CELF4: variants seen among roughly 807,000 people sequenced by gnomAD.
The protein encoded by CELF4 is CUG-BP- and ETR-3-like factor 4.
In CELF4, 18 loss-of-function variants were observed where a neutral mutation model predicts 59.9. The observed-to-expected ratio is 0.30, with a 90% CI of 0.21 to 0.45. The LOEUF (loss-of-function observed/expected upper bound fraction) is 0.45. CELF4 is among the 20% of genes least tolerant of loss of function. The pLI, the probability that CELF4 is intolerant of heterozygous loss-of-function variation, is 1.00. For missense variants in CELF4, 456 were observed against 689.0 expected, an observed-to-expected ratio of 0.66 and a Z score of 3.79; for synonymous variants, 261 against 267.1, an observed-to-expected ratio of 0.98 and a Z score of 0.22.
At chr18:37,428,351 T>C (rs968084966) in intron 2 of CELF4, among the ~76,000 whole-genome samples, 1 of 151,644 alleles carries the variant, frequency 6.6e-6, no homozygotes, top group South Asian at 2.1e-4. Context: ...GGCTGACATT[T>C]GGGTCATGAT....
rs145301349 is a variant in CELF4 at position 37,475,763 on chromosome 18, C to T, written c.369+9762G>A. ...CACAGCAGTGTGAGAAAAGCCTCCTCCATCTCCAGACACATTTTCCCTGTT... is the reference window on the plus strand; with the variant it reads ...CACAGCAGTGTGAGAAAAGCCTCCTTCATCTCCAGACACATTTTCCCTGTT... On this transcript the variant is annotated intron_variant, in intron 2 of 12. Coordinates refer to ENST00000420428, the MANE Select transcript of CELF4 (RefSeq NM_020180.4). Among the ~76,000 whole-genome samples the T allele has an allele frequency of 4.0e-3, 605 of 152,294 alleles. 3 individuals are homozygous for T. Among genetic ancestry groups the T allele is most frequent in the South Asian group, 0.011 (53 of 4,824 alleles).
chr18:37,550,547 C>T (rs907535736), intron 1 of CELF4, among the ~76,000 whole-genome samples: 4 of 152,214 alleles, frequency 2.6e-5, no homozygotes, highest in Non-Finnish European at 4.4e-5. Flanking sequence ...CCAGATATGA[C>T]GTTGGTTTAA....
At chr18:37,296,896 G>T (rs1031799316) in intron 3 of CELF4, among the ~76,000 whole-genome samples, 1 of 152,144 alleles carries the variant, frequency 6.6e-6, no homozygotes, top group Non-Finnish European at 1.5e-5. Flanking sequence ...ACCCCCAAGG[G>T]CCAAACCAGG....
chr18:37,509,899 C>G (rs779052902), intron 1 of CELF4, among the ~76,000 whole-genome samples: 4 of 152,126 alleles, frequency 2.6e-5, no homozygotes, highest in African/African-American at 4.8e-5. Flanking sequence ...GTGAAAGAAG[C>G]CAGACACAAG....
At chr18:37,444,937 C>T (rs773022535) in intron 2 of CELF4, among the ~76,000 whole-genome samples, 64 of 152,230 alleles carry the variant, frequency 4.2e-4, no homozygotes, top group Non-Finnish European at 8.5e-4. Flanking sequence ...GTGTGCGTGA[C>T]GCGGGCTCCT....
intron 7 of CELF4, among the ~76,000 whole-genome samples, chr18:37,271,437 G>T (rs564793534): frequency 6.6e-6 from 1 of 151,942 alleles, no homozygotes; most frequent in Non-Finnish European, 1.5e-5. Context: ...GTATTTTTTA[G>T]TAGGGTTGGG....
chr18:37,361,252 A>G (rs2098698427), intron 2 of CELF4, among the ~76,000 whole-genome samples: 1 of 152,178 alleles, frequency 6.6e-6, no homozygotes, highest in South Asian at 2.1e-4. Context: ...GAGTTAAACC[A>G]AGAGCTAAAC....
chr18:37,401,005 G>A lies in CELF4; in HGVS notation c.370-79124C>T, dbSNP rs377563893. ...TGATGCAGTGTTGGGCCTGGCAGGGGCCCTGGGGGCTGGCTCTGAGAATAG... is the reference window on the plus strand; with the variant it reads ...TGATGCAGTGTTGGGCCTGGCAGGGACCCTGGGGGCTGGCTCTGAGAATAG... On this transcript the variant is annotated intron_variant, in intron 2 of 12. Coordinates refer to ENST00000420428, the MANE Select transcript of CELF4 (RefSeq NM_020180.4). Among the ~76,000 whole-genome samples the A allele has an allele frequency of 4.6e-4, 70 of 152,322 alleles. 2 individuals are homozygous for A. Among genetic ancestry groups the A allele is most frequent in the African/African-American group, 1.6e-3 (68 of 41,564 alleles).
intron 2 of CELF4, among the ~76,000 whole-genome samples, chr18:37,381,207 G>A (rs552918843): frequency 6.6e-6 from 1 of 152,304 alleles, no homozygotes; most frequent in East Asian, 1.9e-4. Context: ...CTTGATGCCA[G>A]GCCGTACACT....
intron 1 of CELF4, chr18:37,529,217 T>A (rs553719628): frequency 3.9e-5 from 6 of 152,302 alleles, no homozygotes; most frequent in South Asian, 2.1e-4. Context: ...AGATCATACA[T>A]GTATCTGGTC....
intron 1 of CELF4, among the ~76,000 whole-genome samples, chr18:37,491,186 T>C (rs1486573230): frequency 7.7e-6 from 1 of 129,742 alleles, no homozygotes; most frequent in African/African-American, 2.8e-5. Flanking sequence ...CGTGCCCACC[T>C]CCTCTCCTCA....
intron 10 of CELF4, among the ~76,000 whole-genome samples, chr18:37,261,940 T>C (rs2074778841): frequency 6.6e-6 from 1 of 152,104 alleles, no homozygotes; most frequent in South Asian, 2.1e-4. Context: ...CTTGGCAGGG[T>C]TGGAGGAACA....
rs943460411 is a variant in CELF4 at position 37,375,439 on chromosome 18, A to G, written c.370-53558T>C. Among the ~76,000 whole-genome samples, 4 of 152,116 alleles carry G rather than the reference A, an allele frequency of 2.6e-5. 1 individual carries two copies. ...CAGCAAGGGGGCAGGGACACATCCT[A>G]GGGAGCCCCCCACTGGCATGGGATA... On this transcript the variant is annotated intron_variant, in intron 2 of 12. Transcript: ENST00000420428.
At chr18:37,549,128 C>T (rs76575939) in intron 1 of CELF4, among the ~76,000 whole-genome samples, 4,247 of 152,308 alleles carry the variant, frequency 0.028, 226 homozygotes, top group African/African-American at 0.096. Flanking sequence ...AAACAGTCTA[C>T]GCTGTTGTGG....
intron 2 of CELF4, among the ~76,000 whole-genome samples, chr18:37,380,615 A>G (rs1356119124): frequency 1.3e-5 from 2 of 151,354 alleles, no homozygotes; most frequent in African/African-American, 4.9e-5. Context: ...CCATTCATCC[A>G]TCTATTCATT....
chr18:37,538,352 G>A (rs1310277097), intron 1 of CELF4, among the ~76,000 whole-genome samples: 2 of 152,126 alleles, frequency 1.3e-5, no homozygotes, highest in Non-Finnish European at 2.9e-5. Flanking sequence ...TCTCTGAAAG[G>A]TATCACCCAT....
intron 2 of CELF4, among the ~76,000 whole-genome samples, chr18:37,330,970 T>G (rs2097522733): frequency 6.6e-6 from 1 of 152,204 alleles, no homozygotes; most frequent in South Asian, 2.1e-4. Context: ...TGTTAAAATA[T>G]GCAAATCCAG....
chr18:37,362,509 G>A (rs544296797), intron 2 of CELF4, among the ~76,000 whole-genome samples: 8 of 152,226 alleles, frequency 5.3e-5, no homozygotes, highest in Admixed American at 3.9e-4. Flanking sequence ...GCTGGGGCAC[G>A]GGCTGGGTGT....
intron 1 of CELF4, among the ~76,000 whole-genome samples, chr18:37,534,062 G>T (rs745905014): frequency 1.3e-5 from 2 of 152,180 alleles, no homozygotes; most frequent in Non-Finnish European, 2.9e-5. Flanking sequence ...TGGATTCCCC[G>T]TCTCTCATTC....
Sources: gnomAD v4.1 joint callset for allele counts (sites outside exome capture counted in the v4.1 genomes callset) on GRCh38, gnomAD v4.1.1 for gene constraint, MANE v1.5 for transcripts, NCBI Gene and HGNC (gene_info 2026-07-23, HGNC 2026-07-21) for gene names.